ACOT7: variants seen among roughly 807,000 people sequenced by gnomAD.
ACOT7 encodes acyl-CoA thioesterase 7.
In ACOT7, 12 loss-of-function variants were observed where a neutral mutation model predicts 40.2. The observed-to-expected ratio is 0.30, with a 90% CI of 0.19 to 0.48. The LOEUF (loss-of-function observed/expected upper bound fraction) is 0.48. Ranked by LOEUF, ACOT7 falls within the 20% of genes least tolerant of loss-of-function variation. The probability of loss-of-function intolerance (pLI) is 0.99; values close to 1 mark genes in which losing one functional copy is unlikely to be tolerated. For synonymous variants in ACOT7, 228 were observed against 219.5 expected (o/e 1.04, Z -0.34); for missense variants, 395 against 530.8 (o/e 0.74, Z 2.51).
intron 6 of ACOT7, among the ~76,000 whole-genome samples, chr1:6,303,378 A>C (rs1235801664): frequency 6.6e-6 from 1 of 152,228 alleles, no homozygotes; most frequent in Non-Finnish European, 1.5e-5. Flanking sequence ...TAGGTACCAA[A>C]GGTATTTTTA....
At chr1:6,370,140 G>A (rs1450246723) in intron 1 of ACOT7, among the ~76,000 whole-genome samples, 3 of 152,128 alleles carry the variant, frequency 2.0e-5, no homozygotes, top group African/African-American at 7.2e-5. Context: ...ATAGTTAAAA[G>A]GAGCCTGGCA....
intron 5 of ACOT7, among the ~76,000 whole-genome samples, chr1:6,323,737 A>AAAAATAT (rs1553158667): frequency 5.2e-5 from 2 of 38,412 alleles, no homozygotes; most frequent in African/African-American, 1.7e-4. Context: ...AAAAAAAAAA[A>AAAAATAT]ATATATATAT....
At chr1:6,339,643 C>A in intron 2 of ACOT7, 54 bp from the exon 3 acceptor site, 1 of 1,590,858 alleles carries the variant, frequency 6.3e-7, no homozygotes, top group Non-Finnish European at 8.6e-7. Flanking sequence ...GCCCCGAGAG[C>A]CCCACCCAGG....
At chr1:6,283,918 C>T (rs1022989485) in intron 7 of ACOT7, among the ~76,000 whole-genome samples, 1 of 152,146 alleles carries the variant, frequency 6.6e-6, no homozygotes, top group African/African-American at 2.4e-5. Flanking sequence ...TCGTTTGAGC[C>T]CAGGAGGTCG....
chr1:6,349,234 G>A (rs981077942), intron 2 of ACOT7, among the ~76,000 whole-genome samples: 20 of 152,232 alleles, frequency 1.3e-4, no homozygotes, highest in African/African-American at 4.8e-4. Context: ...GGCAGGTGGA[G>A]AGCTGCTCCC....
At chr1:6,375,666 G>A (rs1642215590) in intron 1 of ACOT7, among the ~76,000 whole-genome samples, 3 of 152,332 alleles carry the variant, frequency 2.0e-5, no homozygotes, top group Admixed American at 1.3e-4. Flanking sequence ...GCCGGGCGCA[G>A]TGGCTCACGC....
At chr1:6,347,870 T>A (rs1641477954) in intron 2 of ACOT7, among the ~76,000 whole-genome samples, 1 of 152,050 alleles carries the variant, frequency 6.6e-6, no homozygotes, top group African/African-American at 2.4e-5. Context: ...TTGCAGAATG[T>A]CAAGTGCTGA....
chr1:6,313,822 A>C (rs540155748), intron 6 of ACOT7, among the ~76,000 whole-genome samples: 1 of 152,186 alleles, frequency 6.6e-6, no homozygotes, highest in African/African-American at 2.4e-5. Context: ...AAAAAAAAAA[A>C]AGAAAAAGTC....
intron 4 of ACOT7, 110 bp from the exon 5 acceptor site, chr1:6,327,523 T>C: frequency 1.2e-6 from 1 of 864,086 alleles, no homozygotes; most frequent in Non-Finnish European, 1.8e-6. Flanking sequence ...GACTATTTTT[T>C]CTTCTGTTCA....
chr1:6,308,004 AGGCAGAG>A (rs1305445834), intron 6 of ACOT7, among the ~76,000 whole-genome samples: 2 of 151,714 alleles, frequency 1.3e-5, no homozygotes, highest in Non-Finnish European at 2.9e-5. Context: ...AACCACAACC[AGGCAGAG>A]GGAACTACAA....
chr1:6,347,643 T>A (rs1399186090), intron 2 of ACOT7, among the ~76,000 whole-genome samples: 4 of 151,996 alleles, frequency 2.6e-5, no homozygotes, highest in African/African-American at 9.7e-5. Flanking sequence ...TGTACACACC[T>A]GTAATCCCAG....
At chr1:6,296,308 G>A (rs915091954) in intron 6 of ACOT7, among the ~76,000 whole-genome samples, 3 of 152,252 alleles carry the variant, frequency 2.0e-5, no homozygotes, top group Non-Finnish European at 4.4e-5. Flanking sequence ...TCGGGCTGCA[G>A]ATGTCCGCTT....
chr1:6,346,269 T>A (rs1015576256), intron 2 of ACOT7, among the ~76,000 whole-genome samples: 1 of 152,160 alleles, frequency 6.6e-6, no homozygotes, highest in African/African-American at 2.4e-5. Context: ...ACCTGGCTAA[T>A]TTTTGTAGTT....
At chr1:6,264,720 C>A in intron 8 of ACOT7, 25 bp from the exon 9 acceptor site, 1 of 1,609,806 alleles carries the variant, frequency 6.2e-7, no homozygotes, top group South Asian at 1.1e-5. Context: ...CAGAGACAGG[C>A]AGGTTAGGGT....
At chr1:6,342,292 A>AC (rs993284074) in intron 2 of ACOT7, among the ~76,000 whole-genome samples, 4 of 151,152 alleles carry the variant, frequency 2.6e-5, no homozygotes, top group African/African-American at 7.3e-5. Context: ...ATGAAGCCCC[A>AC]CCCCCATACC....
At chr1:6,371,097 C>T (rs1642125190) in intron 1 of ACOT7, among the ~76,000 whole-genome samples, 2 of 152,196 alleles carry the variant, frequency 1.3e-5, no homozygotes, top group Admixed American at 1.3e-4. Flanking sequence ...GCGTGAGCCA[C>T]CGCACCCGGC....
intron 6 of ACOT7, among the ~76,000 whole-genome samples, chr1:6,302,051 C>T (rs981972179): frequency 5.3e-5 from 8 of 152,226 alleles, no homozygotes; most frequent in African/African-American, 1.7e-4. Context: ...CTGTCGTAAT[C>T]CCACCATGTG....
At chr1:6,353,926 C>T (rs181784607) in intron 1 of ACOT7, among the ~76,000 whole-genome samples, 1 of 152,264 alleles carries the variant, frequency 6.6e-6, no homozygotes, top group Non-Finnish European at 1.5e-5. Flanking sequence ...TGGGCCTGGC[C>T]CCAAACATCC....
chr1:6,345,307 C>A (rs1257636945), intron 2 of ACOT7, among the ~76,000 whole-genome samples: 23 of 152,258 alleles, frequency 1.5e-4, no homozygotes, highest in Admixed American at 1.5e-3. Flanking sequence ...ACCACAGGCA[C>A]TGGGTTCCTC....
Sources: allele counts gnomAD v4.1 joint callset (sites outside exome capture counted in the v4.1 genomes callset), GRCh38; gene constraint gnomAD v4.1.1; transcripts MANE v1.5; gene names NCBI Gene and HGNC (gene_info 2026-07-23, HGNC 2026-07-21).